The following AFF2 variants were observed in gnomAD, a reference collection of about 807,000 sequenced individuals.
AFF2 encodes the protein AF4/FMR2 family member 2.
In AFF2, 14 loss-of-function variants were observed where a neutral mutation model predicts 76.9. The ratio of observed to expected loss-of-function variants is 0.18; its 90% CI spans 0.12 to 0.28. The LOEUF (loss-of-function observed/expected upper bound fraction) is 0.28, where lower values mean the gene tolerates loss of function less well. Ranked by LOEUF, AFF2 falls within the 10% of genes least tolerant of loss-of-function variation. The probability of loss-of-function intolerance (pLI) is 1.00; values close to 1 mark genes in which losing one functional copy is unlikely to be tolerated. For synonymous variants in AFF2, 398 were observed against 366.7 expected (o/e 1.09, Z -0.98); for missense variants, 868 against 1,001.1 (o/e 0.87, Z 1.79).
At chrX:148,944,889 C>G (rs1247003709) in intron 9 of AFF2, among the ~76,000 whole-genome samples, 2 of 111,274 alleles carry the variant, frequency 1.8e-5, no homozygotes, top group Non-Finnish European at 3.8e-5. Flanking sequence ...ATCCTTAAAA[C>G]TATTTTTCAA....
rs782144498 is a variant in AFF2, at chrX:148,955,673, C to A, written c.1628C>A (p.Ser543Tyr). ...WLNKVTSQNK[S>Y]FICGQNETPM... ...AACAAAGTGACATCCCAGAACAAGT[C>A]TTTTATTTGTGGCCAAAATGAAACA... Residue 543 changes from serine to tyrosine, a missense_variant, in exon 11 of 21, where the codon TCT becomes TAT. Transcript: ENST00000370460. The A allele has an allele frequency of 1.1e-5, 13 of 1,209,892 alleles. No individual in the cohort carries two copies. Among genetic ancestry groups the A allele is most frequent in the African/African-American group, 1.8e-5 (1 of 57,129 alleles).
At chrX:148,768,849 C>G (rs188407806) in intron 3 of AFF2, among the ~76,000 whole-genome samples, 5 of 112,297 alleles carry the variant, frequency 4.5e-5, no homozygotes, top group African/African-American at 1.6e-4. Flanking sequence ...TCCCAGCCGA[C>G]AGTCCCATCT....
chrX:148,659,405 G>A (rs2054283565), intron 2 of AFF2, among the ~76,000 whole-genome samples: 1 of 112,225 alleles, frequency 8.9e-6, no homozygotes, highest in East Asian at 2.8e-4. Context: ...TCCCTAAGGA[G>A]ACTACAATGA....
intron 1 of AFF2, among the ~76,000 whole-genome samples, chrX:148,618,782 G>A (rs2053839119): frequency 9.0e-6 from 1 of 111,619 alleles, no homozygotes; most frequent in South Asian, 3.7e-4. Context: ...AAGGGATTCT[G>A]CTATTCGTAG....
At chrX:148,809,724 C>A in intron 3 of AFF2, 152 bp from the exon 4 acceptor site, 1 of 514,669 alleles carries the variant, frequency 1.9e-6, no homozygotes, top group Non-Finnish European at 3.1e-6. Context: ...TAAAGTAAAA[C>A]AAAATTAGTC....
intron 9 of AFF2, among the ~76,000 whole-genome samples, chrX:148,930,534 A>G (rs1464696253): frequency 8.9e-6 from 1 of 112,233 alleles, no homozygotes; most frequent in Non-Finnish European, 1.9e-5. Flanking sequence ...ATCACCTCAA[A>G]TAGCCAGGGC....
intron 1 of AFF2, among the ~76,000 whole-genome samples, chrX:148,618,006 T>TTC (rs781991529): frequency 9.0e-6 from 1 of 111,618 alleles, no homozygotes; most frequent in South Asian, 3.7e-4. Context: ...TATTTTCTCT[T>TTC]TCTCTCTCTC....
intron 9 of AFF2, among the ~76,000 whole-genome samples, chrX:148,908,790 A>C (rs1557281721): frequency 8.9e-6 from 1 of 112,387 alleles, no homozygotes; most frequent in Non-Finnish European, 1.9e-5. Flanking sequence ...AAAGAAGAAC[A>C]TTTCTTGACA....
At chrX:148,583,870 C>G (rs1347448535) in intron 1 of AFF2, among the ~76,000 whole-genome samples, 1 of 111,741 alleles carries the variant, frequency 8.9e-6, no homozygotes, top group Non-Finnish European at 1.9e-5. Context: ...ACCCATGACA[C>G]TATGGAAAGA....
rs2072633388 is a variant in AFF2 at position 148,998,440 on chromosome X, G to C, written c.*7108G>C. The C allele has an allele frequency of 8.9e-6, 1 of 112,681 alleles. No homozygotes were observed. The highest frequency in any genetic ancestry group is 1.9e-5 in the Non-Finnish European group (1 of 53,337). The allele number at this position is 112,681 out of a possible 1,213,427, so 9.3% of individuals were successfully genotyped here. A position where few individuals can be genotyped will look rare whatever the true frequency, so the allele number is the denominator to read the frequency against. ...TGATTTAAAACATGCCCCCTGGAAA[G>C]GCATGCTGTATTATGAAATCGTGAT... On this transcript the variant is annotated 3_prime_UTR_variant, in exon 21 of 21. Transcript: ENST00000370460.
intron 19 of AFF2, among the ~76,000 whole-genome samples, chrX:148,986,681 A>G (rs2072476092): frequency 8.9e-6 from 1 of 112,989 alleles, no homozygotes. Flanking sequence ...CACTTTGCTT[A>G]TTGTGGTAAC....
intron 3 of AFF2, among the ~76,000 whole-genome samples, chrX:148,801,441 G>T (rs185855170): frequency 9.0e-6 from 1 of 111,518 alleles, no homozygotes; most frequent in African/African-American, 3.3e-5. Context: ...TGATCTTGCC[G>T]CATACTTCAT....
chrX:148,701,025 T>A (rs1304191419), intron 3 of AFF2, among the ~76,000 whole-genome samples: 149 of 107,458 alleles, frequency 1.4e-3, no homozygotes, highest in African/African-American at 5.0e-3. Flanking sequence ...TGTGTGTGTG[T>A]GTGTGTGTGT....
chrX:148,722,272 A>T (rs1481296446), intron 3 of AFF2, among the ~76,000 whole-genome samples: 2 of 111,435 alleles, frequency 1.8e-5, no homozygotes, highest in Non-Finnish European at 3.8e-5. Context: ...AGCAAGTAAC[A>T]CTGTGTTGTC....
intron 9 of AFF2, among the ~76,000 whole-genome samples, chrX:148,906,893 A>G (rs1359239485): frequency 8.9e-6 from 1 of 111,923 alleles, no homozygotes; most frequent in East Asian, 2.8e-4. Context: ...CGATCAGGCT[A>G]AAGGCTTGCC....
intron 3 of AFF2, among the ~76,000 whole-genome samples, chrX:148,704,440 A>G (rs1399260114): frequency 0.031 from 146 of 4,723 alleles, 23 homozygotes; most frequent in African/African-American, 0.1. Context: ...ATATATGTGT[A>G]TATATATATT....
chrX:148,900,116 T>A (rs782190779), intron 8 of AFF2, among the ~76,000 whole-genome samples: 31 of 111,289 alleles, frequency 2.8e-4, no homozygotes, highest in African/African-American at 1.0e-3. Context: ...GAAGAAGTGT[T>A]ATCATTATAA....
chrX:148,579,564 G>T (rs1292071657), intron 1 of AFF2, among the ~76,000 whole-genome samples: 1 of 112,022 alleles, frequency 8.9e-6, no homozygotes, highest in Non-Finnish European at 1.9e-5. Context: ...AAATGATGCT[G>T]TTAGTCATTT....
At chrX:148,741,555 C>G (rs1263333566) in intron 3 of AFF2, among the ~76,000 whole-genome samples, 1 of 110,997 alleles carries the variant, frequency 9.0e-6, no homozygotes, top group Non-Finnish European at 1.9e-5. Flanking sequence ...TTGCCCGAGG[C>G]TTTCCTCCTC....
Sources: gnomAD v4.1 joint callset for allele counts (sites outside exome capture counted in the v4.1 genomes callset) on GRCh38, gnomAD v4.1.1 for gene constraint, MANE v1.5 for transcripts, NCBI Gene and HGNC (gene_info 2026-07-23, HGNC 2026-07-21) for gene names.